The following TNFSF4 variants were observed in gnomAD, a reference collection of about 807,000 sequenced individuals.
TNFSF4 encodes TNF superfamily member 4, also known as tumor necrosis factor ligand superfamily member 4.
Under a neutral mutation model 7.3 loss-of-function variants are expected in TNFSF4, and 4 were observed. The ratio of observed to expected loss-of-function variants is 0.55; its 90% CI spans 0.27 to 1.25. The LOEUF is 1.25. TNFSF4 is among the 50% of genes most tolerant of loss of function. The pLI is 0.12. For missense variants in TNFSF4, 181 were observed against 208.8 expected, an observed-to-expected ratio of 0.87 and a Z score of 0.82; for synonymous variants, 76 against 83.7, an observed-to-expected ratio of 0.91 and a Z score of 0.50.
At chr1:173,325,135 G>A in the TNFSF4 span, among the ~76,000 whole-genome samples, 1 of 152,146 alleles carries the variant, frequency 6.6e-6, no homozygotes, top group Admixed American at 6.5e-5. Context: ...CTCAGCAAAT[G>A]TAAAAGAACA....
At chr1:173,288,107 T>C in the TNFSF4 span, among the ~76,000 whole-genome samples, 2 of 152,202 alleles carry the variant, frequency 1.3e-5, no homozygotes, top group African/African-American at 4.8e-5. Context: ...TAAAGAGAAG[T>C]TAACAACTTC....
the TNFSF4 span, among the ~76,000 whole-genome samples, chr1:173,354,736 A>G: frequency 6.6e-6 from 1 of 152,228 alleles, no homozygotes; most frequent in East Asian, 1.9e-4. Flanking sequence ...AATAAAAAAT[A>G]AAAAACTTTG....
the TNFSF4 span, among the ~76,000 whole-genome samples, chr1:173,276,437 T>C: frequency 6.6e-6 from 1 of 152,232 alleles, no homozygotes; most frequent in South Asian, 2.1e-4. Flanking sequence ...AACACTATGA[T>C]GGCAGGTCAA....
At chr1:173,296,448 AAC>A in the TNFSF4 span, among the ~76,000 whole-genome samples, 1 of 151,996 alleles carries the variant, frequency 6.6e-6, no homozygotes. Flanking sequence ...GAAGAGCTTA[AAC>A]ACACACAAAA....
the TNFSF4 span, among the ~76,000 whole-genome samples, chr1:173,331,683 C>A: frequency 6.6e-6 from 1 of 152,202 alleles, no homozygotes; most frequent in Non-Finnish European, 1.5e-5. Context: ...ACTTACTTAT[C>A]TCTAGGAGCC....
chr1:173,185,746 ATCTCAC>A lies in TNFSF4; in HGVS notation c.*764_*769del, dbSNP rs1486672731. 5.3e-5 allele frequency: 8 copies of A among 152,162 alleles called. No homozygotes were observed. Among genetic ancestry groups the A allele is most frequent in the African/African-American group, 1.9e-4 (8 of 41,420 alleles). 9.4% of individuals were successfully genotyped at this position (152,162 alleles called of 1,614,324 possible). On this transcript the variant is annotated 3_prime_UTR_variant, in exon 3 of 3. Coordinates refer to ENST00000281834, the MANE Select transcript of TNFSF4 (RefSeq NM_003326.5). ...TAAAGCTAACCCTTCACAATAAGTT[ATCTCAC>A]TCTCCCTGTATACAAGAAAATCTCT...
the TNFSF4 span, among the ~76,000 whole-genome samples, chr1:173,437,188 A>G: frequency 6.6e-6 from 1 of 152,168 alleles, no homozygotes; most frequent in Non-Finnish European, 1.5e-5. Context: ...GCTCTGCCCT[A>G]TGTCGCTTCC....
the TNFSF4 span, among the ~76,000 whole-genome samples, chr1:173,315,112 A>G: frequency 1 from 151,943 of 152,242 alleles, 75,824 homozygotes; most frequent in Middle Eastern, 1. Flanking sequence ...TTTGTTTTCC[A>G]TTTTTTACGT....
the TNFSF4 span, among the ~76,000 whole-genome samples, chr1:173,377,642 T>G: frequency 6.6e-6 from 1 of 152,198 alleles, no homozygotes; most frequent in Non-Finnish European, 1.5e-5. Flanking sequence ...CTGTCTCTGG[T>G]GCTTTTCTAG....
chr1:173,445,636 C>A, the TNFSF4 span, among the ~76,000 whole-genome samples: 3 of 152,224 alleles, frequency 2.0e-5, no homozygotes, highest in East Asian at 5.8e-4. Context: ...TTTTCCATCT[C>A]CACATAGCAC....
chr1:173,269,330 T>C, the TNFSF4 span, among the ~76,000 whole-genome samples: 1 of 152,120 alleles, frequency 6.6e-6, no homozygotes, highest in Non-Finnish European at 1.5e-5. Flanking sequence ...TGAAATTCTT[T>C]TTACTTCTTC....
chr1:173,312,806 C>A, the TNFSF4 span, among the ~76,000 whole-genome samples: 2 of 152,072 alleles, frequency 1.3e-5, no homozygotes, highest in East Asian at 1.9e-4. Context: ...GCTCACAGGG[C>A]CCCCAACCAG....
chr1:173,207,045 G>C lies in TNFSF4; in HGVS notation c.132C>G (p.Cys44Trp), dbSNP rs1650226600. The C allele has an allele frequency of 6.2e-7, 1 of 1,612,478 alleles. No individual in the cohort carries two copies. Among genetic ancestry groups the C allele is most frequent in the African/African-American group, 1.3e-5 (1 of 74,874 alleles). ...TTACCTGAAGAGCAGAGAAGTGCAG[G>C]CAGATGTAGGTGAAGCACAGGAGCA... Reference protein sequence around the residue: ...LGLLLCFTYICLHFSALQVSH... With the variant: ...LGLLLCFTYIWLHFSALQVSH... Residue 44 changes from cysteine to tryptophan, a missense_variant, in exon 1 of 3, where the codon TGC becomes TGG. Cys to Trp is a radical substitution (Grantham distance 215, BLOSUM62 -2). Transcript: ENST00000281834.
the TNFSF4 span, among the ~76,000 whole-genome samples, chr1:173,377,802 G>A: frequency 1.2e-4 from 18 of 152,116 alleles, no homozygotes; most frequent in Non-Finnish European, 2.4e-4. Flanking sequence ...CCTCAGACTC[G>A]CAGGCCTAAC....
chr1:173,250,840 T>C, the TNFSF4 span, among the ~76,000 whole-genome samples: 1 of 152,178 alleles, frequency 6.6e-6, no homozygotes, highest in Admixed American at 6.5e-5. Context: ...CTGGGGCTTT[T>C]AAGATCAAAT....
chr1:173,237,733 A>AAG, the TNFSF4 span, among the ~76,000 whole-genome samples: 2 of 152,220 alleles, frequency 1.3e-5, no homozygotes, highest in African/African-American at 4.8e-5. Context: ...GAAAATTACA[A>AAG]AACTCTGCTC....
the TNFSF4 span, among the ~76,000 whole-genome samples, chr1:173,244,368 C>A: frequency 6.6e-6 from 1 of 152,102 alleles, no homozygotes; most frequent in Non-Finnish European, 1.5e-5. Context: ...CCCGGCCGGG[C>A]GCGGTGGCTC....
the TNFSF4 span, among the ~76,000 whole-genome samples, chr1:173,249,190 A>C: frequency 9.9e-5 from 15 of 152,216 alleles, no homozygotes; most frequent in Non-Finnish European, 2.1e-4. Context: ...ACCATTCTTC[A>C]AGGTGGAAAA....
At chr1:173,327,448 G>A in the TNFSF4 span, among the ~76,000 whole-genome samples, 1 of 151,528 alleles carries the variant, frequency 6.6e-6, no homozygotes, top group Admixed American at 6.6e-5. Flanking sequence ...CATGGGCAAG[G>A]ACTTCATGTC....
Sources: allele counts gnomAD v4.1 joint callset (sites outside exome capture counted in the v4.1 genomes callset), GRCh38; gene constraint gnomAD v4.1.1; transcripts MANE v1.5; gene names NCBI Gene and HGNC (gene_info 2026-07-23, HGNC 2026-07-21).